Variants in WDR7 observed in about 807,000 individuals in gnomAD.
WDR7 encodes WD repeat domain 7.
A neutral mutation model predicts 169.4 loss-of-function variants in WDR7; 46 were observed. The observed-to-expected ratio is 0.27, with a 90% CI of 0.21 to 0.35. The LOEUF is 0.35. Among genes scored for constraint, WDR7 ranks in the 10% least tolerant of loss-of-function variants. The probability of loss-of-function intolerance (pLI) is 1.00; values close to 1 mark genes in which losing one functional copy is unlikely to be tolerated. For synonymous variants in WDR7, 612 were observed against 666.8 expected, an observed-to-expected ratio of 0.92 and a Z score of 1.27; for missense variants, 1,534 against 1,859.3, an observed-to-expected ratio of 0.83 and a Z score of 3.22.
intron 12 of WDR7, 65 bp from the exon 13 acceptor site, chr18:56,717,899 G>T (rs1381037354): frequency 6.9e-7 from 1 of 1,450,640 alleles, no homozygotes; most frequent in African/African-American, 1.4e-5. Context: ...TTAAGTTATT[G>T]AAAACAGGAT....
Position 56,900,088 on chromosome 18 carries a change from A to G in WDR7, c.3526+19923A>G, listed in dbSNP as rs1395566549. Among the ~76,000 whole-genome samples, 16 of 112,512 alleles carry G rather than the reference A, an allele frequency of 1.4e-4. No homozygotes were observed. The East Asian group carries it at 2.1e-3, about 15-fold the overall frequency. 73.8% of individuals were successfully genotyped at this position (112,512 alleles called of 152,430 possible). On this transcript the variant is annotated intron_variant, in intron 21 of 27. Transcript: ENST00000254442. ...TATGTGTGTGTGTGTGTGTGTATAT[A>G]TATATATATATATATATATATAAAA...
At chr18:56,899,006 GAATA>G (rs2046367171) in intron 21 of WDR7, among the ~76,000 whole-genome samples, 1 of 152,042 alleles carries the variant, frequency 6.6e-6, no homozygotes, top group Admixed American at 6.6e-5. Flanking sequence ...CTAGGTAGCA[GAATA>G]AAGATAGATT....
intron 20 of WDR7, among the ~76,000 whole-genome samples, chr18:56,860,886 A>G (rs1345071158): frequency 6.6e-6 from 1 of 152,036 alleles, no homozygotes; most frequent in East Asian, 1.9e-4. Flanking sequence ...GAAGGAGTAC[A>G]TGTGTTCTAA....
At chr18:56,946,449 TTTTG>T (rs1439271355) in intron 25 of WDR7, among the ~76,000 whole-genome samples, 1 of 152,252 alleles carries the variant, frequency 6.6e-6, no homozygotes, top group South Asian at 2.1e-4. Flanking sequence ...AGAATGTGGG[TTTTG>T]TTTGTTTGTG....
At chr18:56,819,521 A>G (rs113374144) in intron 20 of WDR7, among the ~76,000 whole-genome samples, 9 of 152,312 alleles carry the variant, frequency 5.9e-5, no homozygotes, top group African/African-American at 2.2e-4. Flanking sequence ...TCCTTTAACC[A>G]TAGGTTTTAA....
At chr18:56,662,411 C>G (rs147186653) in intron 1 of WDR7, among the ~76,000 whole-genome samples, 1 of 152,188 alleles carries the variant, frequency 6.6e-6, no homozygotes. Flanking sequence ...TAGTGTGAAA[C>G]AGGATGGTCT....
At chr18:56,676,971 C>T (rs935998874) in intron 2 of WDR7, among the ~76,000 whole-genome samples, 3 of 152,216 alleles carry the variant, frequency 2.0e-5, no homozygotes, top group South Asian at 2.1e-4. Flanking sequence ...TGTCTTGAAA[C>T]GTTGTAGTTA....
At chr18:56,733,514 C>G (rs984501711) in intron 14 of WDR7, among the ~76,000 whole-genome samples, 3 of 152,250 alleles carry the variant, frequency 2.0e-5, no homozygotes, top group South Asian at 2.1e-4. Flanking sequence ...CAATGGAAAG[C>G]AAAGCCTGTA....
At chr18:56,812,877 G>A (rs1209326110) in intron 19 of WDR7, among the ~76,000 whole-genome samples, 1 of 151,962 alleles carries the variant, frequency 6.6e-6, no homozygotes, top group African/African-American at 2.4e-5. Flanking sequence ...AGTCTCCCAG[G>A]AAACACCGTC....
At chr18:56,810,043 A>G (rs1302623149) in intron 19 of WDR7, among the ~76,000 whole-genome samples, 1 of 152,208 alleles carries the variant, frequency 6.6e-6, no homozygotes, top group Non-Finnish European at 1.5e-5. Flanking sequence ...AGGTCCTGAT[A>G]GAACTAAATA....
chr18:57,022,238 C>T (rs1391306319), intron 27 of WDR7, among the ~76,000 whole-genome samples: 1 of 152,180 alleles, frequency 6.6e-6, no homozygotes, highest in Admixed American at 6.5e-5. Context: ...TGGGGTCCCC[C>T]CCGCCGCCAC....
At position 56,854,231 on chromosome 18, in the gene WDR7, C is replaced by G. The variant is rs144610264; in HGVS notation, c.3305-25713C>G. On this transcript the variant is annotated intron_variant, in intron 20 of 27. Transcript: ENST00000254442. ...TCTGCCGGGACACAGCATTGTTTTACCTGTGCTTCTGGTCAGCTGACTACA... is the reference window on the plus strand; with the variant it reads ...TCTGCCGGGACACAGCATTGTTTTAGCTGTGCTTCTGGTCAGCTGACTACA... 3.5e-4 allele frequency among the ~76,000 whole-genome samples: 53 copies of G among 152,342 alleles called. No individual in the cohort carries two copies. The East Asian group carries it at 9.7e-3, about 28-fold the overall frequency.
At chr18:56,656,830 A>G (rs2024787077) in intron 1 of WDR7, among the ~76,000 whole-genome samples, 2 of 152,180 alleles carry the variant, frequency 1.3e-5, no homozygotes, top group Non-Finnish European at 1.5e-5. Flanking sequence ...AGGAAAATTG[A>G]TATCTTTATA....
At chr18:56,826,466 G>A (rs1427664245) in intron 20 of WDR7, among the ~76,000 whole-genome samples, 1 of 152,122 alleles carries the variant, frequency 6.6e-6, no homozygotes, top group Non-Finnish European at 1.5e-5. Context: ...ACTATCATCT[G>A]TGACTTTCCC....
At chr18:56,763,555 A>G (rs1305839895) in intron 16 of WDR7, among the ~76,000 whole-genome samples, 3 of 152,138 alleles carry the variant, frequency 2.0e-5, no homozygotes, top group Non-Finnish European at 4.4e-5. Flanking sequence ...TTTAGTTTTC[A>G]TTTCTATTAA....
Position 56,694,884 on chromosome 18 carries a change from T to C in WDR7, c.1109-66T>C, listed in dbSNP as rs1018996521. Reference sequence around the variant, plus strand: ...ATTACTGGATCAATCAACATTATTTTAATGTTTTAAATTTTTTTTAACATG... The same window carrying C: ...ATTACTGGATCAATCAACATTATTTCAATGTTTTAAATTTTTTTTAACATG... On this transcript the variant is annotated intron_variant, in intron 10 of 27. Transcript: ENST00000254442. 3.2e-6 allele frequency: 5 copies of C among 1,553,348 alleles called. No individual in the cohort carries two copies. In the African/African-American group the frequency reaches 6.9e-5, roughly 21 times the overall value.
intron 26 of WDR7, chr18:57,009,813 A>G (rs1043503098): frequency 1.0e-6 from 1 of 974,104 alleles, no homozygotes; most frequent in Non-Finnish European, 1.2e-6. Context: ...TTTATAATCT[A>G]CATCAGACAA....
At chr18:56,985,064 A>G (rs2047694709) in intron 26 of WDR7, among the ~76,000 whole-genome samples, 1 of 152,120 alleles carries the variant, frequency 6.6e-6, no homozygotes, top group African/African-American at 2.4e-5. Flanking sequence ...TCTTATTGCT[A>G]CTCAGCTCTG....
In WDR7 at chr18:56,939,310, G is replaced by T; in HGVS notation, c.3982-1G>T. On this transcript the variant is annotated splice_acceptor_variant, in intron 24 of 27. Coordinates refer to ENST00000254442, the MANE Select transcript of WDR7 (RefSeq NM_015285.3). LOFTEE classifies it high-confidence loss of function. ...TTTAAATCTGTTCTTTTCTGTCAAA[G>T]GTTATGGACATCATTATGTACTGCC... 1.3e-6 allele frequency: 2 copies of T among 1,507,098 alleles called. No homozygotes were observed. The highest frequency in any genetic ancestry group is 1.4e-5 in the African/African-American group (1 of 70,728). 93.4% of individuals were successfully genotyped at this position (1,507,098 alleles called of 1,614,324 possible).
Sources: allele counts gnomAD v4.1 joint callset (sites outside exome capture counted in the v4.1 genomes callset), GRCh38; gene constraint gnomAD v4.1.1; transcripts MANE v1.5; gene names NCBI Gene and HGNC (gene_info 2026-07-23, HGNC 2026-07-21).